TMEM131L: variants seen among roughly 807,000 people sequenced by gnomAD.
TMEM131L encodes the protein transmembrane 131 like, also known as transmembrane protein 131-like.
Under a neutral mutation model 192.2 loss-of-function variants are expected in TMEM131L, and 54 were observed. That is an observed-to-expected ratio of 0.28 (90% confidence interval 0.23 to 0.35). The LOEUF (loss-of-function observed/expected upper bound fraction) is 0.35, where lower values mean the gene tolerates loss of function less well. TMEM131L is among the 10% of genes least tolerant of loss of function. The probability of loss-of-function intolerance (pLI) is 1.00; values close to 1 mark genes in which losing one functional copy is unlikely to be tolerated. For missense variants in TMEM131L, 1,888 were observed against 1,972.9 expected (o/e 0.96, Z 0.82); for synonymous variants, 701 against 704.9 (o/e 0.99, Z 0.09).
intron 3 of TMEM131L, among the ~76,000 whole-genome samples, chr4:153,546,138 A>G (rs1737156735): frequency 6.7e-6 from 1 of 150,222 alleles, no homozygotes. Context: ...CAATCCTCCC[A>G]CCTTGTCCTC....
intron 7 of TMEM131L, among the ~76,000 whole-genome samples, chr4:153,561,289 G>A (rs1728830802): frequency 6.6e-6 from 1 of 152,086 alleles, no homozygotes; most frequent in African/African-American, 2.4e-5. Flanking sequence ...ACCTTTATCA[G>A]GTACATGGTT....
chr4:153,488,656 C>G (rs755327862), intron 3 of TMEM131L, among the ~76,000 whole-genome samples: 1 of 152,190 alleles, frequency 6.6e-6, no homozygotes, highest in Non-Finnish European at 1.5e-5. Context: ...GGAAGCAACT[C>G]AAGTTCAAGT....
At chr4:153,528,310 G>A (rs1347476514) in intron 3 of TMEM131L, among the ~76,000 whole-genome samples, 1 of 152,212 alleles carries the variant, frequency 6.6e-6, no homozygotes, top group Non-Finnish European at 1.5e-5. Flanking sequence ...GTAGATTTGT[G>A]TGGGTGATAA....
At chr4:153,617,315 G>A (rs976544540) in intron 26 of TMEM131L, among the ~76,000 whole-genome samples, 1 of 152,162 alleles carries the variant, frequency 6.6e-6, no homozygotes, top group Non-Finnish European at 1.5e-5. Context: ...TTTGTAAATT[G>A]CCCAGTCTTA....
chr4:153,495,370 G>T (rs1376487960), intron 3 of TMEM131L, among the ~76,000 whole-genome samples: 3 of 152,012 alleles, frequency 2.0e-5, no homozygotes, highest in Non-Finnish European at 2.9e-5. Context: ...TTAAGGATAT[G>T]CCCGGAACAC....
intron 3 of TMEM131L, among the ~76,000 whole-genome samples, chr4:153,527,283 G>GC (rs200570730): frequency 6.6e-6 from 1 of 151,668 alleles, no homozygotes; most frequent in Non-Finnish European, 1.5e-5. Flanking sequence ...TTTCTTTGTG[G>GC]GGGGGCGGTG....
chr4:153,489,308 T>G (rs753980408), intron 3 of TMEM131L, among the ~76,000 whole-genome samples: 28 of 152,194 alleles, frequency 1.8e-4, no homozygotes, highest in Non-Finnish European at 3.7e-4. Context: ...CTACGGCAGC[T>G]TTGGACTCCT....
intron 25 of TMEM131L, among the ~76,000 whole-genome samples, chr4:153,606,369 G>C (rs180964216): frequency 8.5e-5 from 13 of 152,342 alleles, no homozygotes; most frequent in Admixed American, 7.2e-4. Flanking sequence ...CAAGAGATAT[G>C]TGCCTGCAAG....
At chr4:153,598,148 T>C (rs1476105753) in intron 20 of TMEM131L, among the ~76,000 whole-genome samples, 1 of 152,208 alleles carries the variant, frequency 6.6e-6, no homozygotes, top group Non-Finnish European at 1.5e-5. Context: ...TTCTTACGAT[T>C]ACTATGAAAA....
intron 3 of TMEM131L, among the ~76,000 whole-genome samples, chr4:153,510,095 A>G (rs993061982): frequency 7.9e-5 from 12 of 152,232 alleles, no homozygotes; most frequent in African/African-American, 2.7e-4. Context: ...CTCATTTATG[A>G]AAGAATCTGT....
intron 3 of TMEM131L, among the ~76,000 whole-genome samples, chr4:153,504,266 C>CTTTTT (rs531620464): frequency 9.4e-5 from 4 of 42,630 alleles, no homozygotes; most frequent in African/African-American, 1.9e-4. Flanking sequence ...CGCGGTCGGC[C>CTTTTT]TTTTTTTTTT....
chr4:153,537,531 C>T (rs1489763873), intron 3 of TMEM131L, among the ~76,000 whole-genome samples: 5 of 152,016 alleles, frequency 3.3e-5, no homozygotes, highest in Non-Finnish European at 7.4e-5. Flanking sequence ...CTTTTTTGAC[C>T]GTATAGGGTA....
chr4:153,564,956 G>T (rs575618324), intron 7 of TMEM131L, among the ~76,000 whole-genome samples: 18 of 152,184 alleles, frequency 1.2e-4, no homozygotes, highest in African/African-American at 3.9e-4. Flanking sequence ...CATCATTCCC[G>T]GAACATGCCA....
chr4:153,632,595 G>A, intron 31 of TMEM131L, 123 bp from the exon 32 acceptor site: 1 of 994,470 alleles, frequency 1.0e-6, no homozygotes, highest in Non-Finnish European at 1.5e-6. Flanking sequence ...ATTCCGAAAG[G>A]AGTTAGTCAG....
In TMEM131L at chr4:153,588,827, A is replaced by G. The variant is rs1280094515; in HGVS notation, c.1553-63A>G. 3.4e-6 allele frequency: 3 copies of G among 876,556 alleles called. No homozygotes were observed. In the East Asian group the frequency reaches 7.2e-5, roughly 21 times the overall value. The allele number at this position is 876,556 out of a possible 1,614,324, so 54.3% of individuals were successfully genotyped here. On this transcript the variant is annotated intron_variant, in intron 15 of 34. Transcript: ENST00000409959. ...AGAAGTTTAATATTAAGCCCTTGGC[A>G]TTATTTACTAATTGAATTATGTTTT...
intron 3 of TMEM131L, among the ~76,000 whole-genome samples, chr4:153,548,445 C>T (rs1186042837): frequency 6.6e-6 from 1 of 152,164 alleles, no homozygotes; most frequent in African/African-American, 2.4e-5. Context: ...GCTGGGACTA[C>T]AGGCGCCCGC....
intron 7 of TMEM131L, among the ~76,000 whole-genome samples, chr4:153,565,443 A>C (rs1240721808): frequency 6.6e-6 from 1 of 152,208 alleles, no homozygotes; most frequent in Non-Finnish European, 1.5e-5. Flanking sequence ...TATAGAATGG[A>C]CTTAGAGTTT....
At chr4:153,586,529 G>C in intron 14 of TMEM131L, 150 bp downstream of exon 14, 1 of 496,250 alleles carries the variant, frequency 2.0e-6, no homozygotes. Context: ...AGTCTTGGAT[G>C]ATAAATTGTT....
intron 26 of TMEM131L, among the ~76,000 whole-genome samples, chr4:153,618,064 T>A (rs1733119142): frequency 6.6e-6 from 1 of 152,190 alleles, no homozygotes; most frequent in South Asian, 2.1e-4. Context: ...TTGATTTTAC[T>A]TATACACAGT....
Sources: allele counts gnomAD v4.1 joint callset (sites outside exome capture counted in the v4.1 genomes callset), GRCh38; gene constraint gnomAD v4.1.1; transcripts MANE v1.5; gene names NCBI Gene and HGNC (gene_info 2026-07-23, HGNC 2026-07-21).